DPP7: variants seen among roughly 807,000 people sequenced by gnomAD.
DPP7 encodes the protein dipeptidyl peptidase 7.
Under a neutral mutation model 58.8 loss-of-function variants are expected in DPP7, and 74 were observed. The observed-to-expected ratio is 1.26, with a 90% CI of 1.04 to 1.53. The LOEUF is 1.53. Among genes scored for constraint, DPP7 ranks in the 40% most tolerant of loss-of-function variants. The probability of loss-of-function intolerance (pLI) is 0.00; values close to 1 mark genes in which losing one functional copy is unlikely to be tolerated. For missense variants in DPP7, 807 were observed against 692.3 expected (o/e 1.17, Z -1.86); for synonymous variants, 350 against 303.6 (o/e 1.15, Z -1.59).
rs1247975470 is a variant in DPP7, at chr9:137,110,604, G to GC, written c.*43dup. On this transcript the variant is annotated 3_prime_UTR_variant, in exon 13 of 13. Coordinates refer to ENST00000371579, the MANE Select transcript of DPP7 (RefSeq NM_013379.3). ...CTCTGCCGCCAGCTGCTTGAGTGAA[G>GC]CCCCCACTCCATGAGGAGCCTTGAG... 2 of 1,585,424 alleles carry GC rather than the reference G, an allele frequency of 1.3e-6. No individual in the cohort carries two copies. The highest frequency in any genetic ancestry group is 8.6e-7 in the Non-Finnish European group (1 of 1,165,690).
rs769912592 is a variant in DPP7 at position 137,112,211 on chromosome 9, CGA to C, written c.949_950del (p.Ser317GlyfsTer17). On this transcript the variant is annotated frameshift_variant, in exon 9 of 13. Transcript: ENST00000371579. LOFTEE classifies it high-confidence loss of function. ...RALAGLVYNA[S>X]GSEHCYDIYR... is the part of the protein sequence containing the mutation. ...AGATGTCGTAGCAGTGCTCGGAGCC[CGA>C]GGCGTTGTAGACCAGCCCTGGGGAG... is the stretch of plus-strand genomic sequence containing the variant. 2 of 1,601,652 alleles carry C rather than the reference CGA, an allele frequency of 1.2e-6. No homozygotes were observed. The highest frequency in any genetic ancestry group is 1.7e-6 in the Non-Finnish European group (2 of 1,179,346).
At chr9:137,116,632 G>A (rs1831645875), upstream of DPP7, among the ~76,000 whole-genome samples, 1 of 152,240 alleles carries the variant, frequency 6.6e-6, no homozygotes, top group Admixed American at 6.5e-5. Flanking sequence ...TGGCCTCGTG[G>A]GAAGGGAAAG....
chr9:137,112,498 C>T (rs1334607012), intron 8 of DPP7: 4 of 636,612 alleles, frequency 6.3e-6, no homozygotes, highest in Non-Finnish European at 1.1e-5. Flanking sequence ...TGCTGGGGAC[C>T]CCAGGGGCCC....
chr9:137,110,665 GC>G lies in DPP7; in HGVS notation c.1461del (p.Arg489AspfsTer33). On this transcript the variant is annotated frameshift_variant, in exon 13 of 13. Transcript: ENST00000371579. LOFTEE classifies it low-confidence loss of function (END_TRUNC). ...TCCTGTGCTCAGAGGCTGAGTCTGG[GC>G]CCCCCACGCAGAGCTGGCTGCTGCT... ...RREQQPALRG[G>X]PRLSL is the part of the protein sequence containing the mutation. 3 of 1,609,790 alleles carry G rather than the reference GC, an allele frequency of 1.9e-6. No individual in the cohort carries two copies. The highest frequency in any genetic ancestry group is 1.1e-5 in the South Asian group (1 of 90,992).
At chr9:137,113,522 C>G in intron 4 of DPP7, 26 bp from the exon 5 acceptor site, 1 of 1,525,002 alleles carries the variant, frequency 6.6e-7, no homozygotes, top group South Asian at 1.3e-5. Flanking sequence ...AGGGTTAGGG[C>G]TGCTGCCCCC....
At chr9:137,111,585 C>T in intron 11 of DPP7, 105 bp downstream of exon 11, 3 of 1,332,032 alleles carry the variant, frequency 2.3e-6, no homozygotes, top group Non-Finnish European at 3.2e-6. Context: ...CTGCAGTGAA[C>T]CCTGATCTCG....
At chr9:137,111,489 A>G (rs1016377611) in intron 11 of DPP7, among the ~76,000 whole-genome samples, 1 of 152,220 alleles carries the variant, frequency 6.6e-6, no homozygotes, top group Non-Finnish European at 1.5e-5. Context: ...TGTCTCTACA[A>G]AAAAATATTT....
At position 137,113,850 on chromosome 9, in the gene DPP7, G is replaced by A; in HGVS notation, c.485+15C>T. On this transcript the variant is annotated intron_variant, in intron 4 of 12. Coordinates refer to ENST00000371579, the MANE Select transcript of DPP7 (RefSeq NM_013379.3). ...AGGGGAGGGAGGGGGTGCGGAGGCC[G>A]GGGGAGGCGCCCACCTTCCACCGAA... 2.0e-6 allele frequency: 3 copies of A among 1,492,818 alleles called. No individual in the cohort carries two copies. Among genetic ancestry groups the A allele is most frequent in the African/African-American group, 1.4e-5 (1 of 72,086 alleles). The allele number at this position is 1,492,818 out of a possible 1,614,324, so 92.5% of individuals were successfully genotyped here.
At chr9:137,117,487 G>C (rs1005287167), upstream of DPP7, among the ~76,000 whole-genome samples, 2 of 152,222 alleles carry the variant, frequency 1.3e-5, no homozygotes, top group African/African-American at 4.8e-5. Flanking sequence ...TGGGAGCCTG[G>C]CCAGCAAGGG....
intron 8 of DPP7, 52 bp from the exon 9 acceptor site, chr9:137,112,282 G>T (rs758108751): frequency 1.4e-6 from 2 of 1,459,876 alleles, no homozygotes; most frequent in South Asian, 2.5e-5. Context: ...CACACCGCGG[G>T]CTCCGGCCAC....
chr9:137,114,822 C>G, upstream of DPP7: 1 of 758,184 alleles, frequency 1.3e-6, no homozygotes, highest in Non-Finnish European at 1.8e-6. Flanking sequence ...CCACGGAGAC[C>G]GTCGCTGCTT....
chr9:137,117,377 C>T (rs1017393649), upstream of DPP7, among the ~76,000 whole-genome samples: 1 of 152,222 alleles, frequency 6.6e-6, no homozygotes, highest in South Asian at 2.1e-4. Flanking sequence ...TGTGCAGACA[C>T]CCCCGATCTC....
At chr9:137,114,863 A>G (rs1564327113), upstream of DPP7, 2 of 463,814 alleles carry the variant, frequency 4.3e-6, no homozygotes, top group South Asian at 1.1e-4. Context: ...GCCCCCCAAC[A>G]CCCCGCGCCC....
At position 137,112,764 on chromosome 9, in the gene DPP7, C is replaced by T. The variant is rs151014148; in HGVS notation, c.912G>A (p.Thr304=). 2.0e-4 allele frequency: 319 copies of T among 1,608,040 alleles called. 2 individuals carry two copies. The African/African-American group carries it at 3.5e-3, about 18-fold the overall frequency. ...GGGCACCTGCCAGTGCTCGCAGCCC[C>T]GTGATCCTCTGGGCCTCACTCAGCA... ...DRLLSEAQRI[T]GLRALAGLVY... The change falls in exon 8 of 13, where the codon ACG becomes ACA. Residue 304 remains threonine, a synonymous_variant. Coordinates refer to ENST00000371579, the MANE Select transcript of DPP7 (RefSeq NM_013379.3).
chr9:137,113,540 C>T (rs767453262), intron 4 of DPP7, 44 bp from the exon 5 acceptor site: 8 of 1,512,996 alleles, frequency 5.3e-6, no homozygotes, highest in Middle Eastern at 1.8e-4. Context: ...CCCAACACCC[C>T]ATTTCCTCTT....
upstream of DPP7, chr9:137,115,082 T>G (rs919495940): frequency 1.0e-5 from 2 of 192,606 alleles, no homozygotes; most frequent in Non-Finnish European, 2.1e-5. Context: ...GCCGGGAGAG[T>G]GGGGGCCGTT....
intron 8 of DPP7, 40 bp downstream of exon 8, chr9:137,112,705 G>A (rs1302449363): frequency 1.3e-6 from 2 of 1,575,060 alleles, no homozygotes; most frequent in East Asian, 2.3e-5. Flanking sequence ...CCAAGCCTGG[G>A]GTCTCCACAC....
At chr9:137,115,169 C>T (rs182579030), upstream of DPP7, 898 of 155,516 alleles carry the variant, frequency 5.8e-3, 5 homozygotes, top group South Asian at 0.014. Flanking sequence ...CAGGGTTTGT[C>T]CAAGCGATAA....
Position 137,110,705 on chromosome 9 carries a change from CT to C in DPP7, c.1421del (p.Lys474ArgfsTer48). On this transcript the variant is annotated frameshift_variant, in exon 13 of 13. Transcript: ENST00000371579. LOFTEE classifies it low-confidence loss of function (END_TRUNC). The stretch of plus-strand genomic sequence containing the variant: ...CTGGCTGCTGCTCACGCCTGGCTGC[CT>C]TTACCCACTCGCCGATGATGGTGGC... ...LEATIIGEWVKAARREQQPAL... is the reference protein window; with the variant it reads ...LEATIIGEWVXAARREQQPAL... 6.2e-7 allele frequency: 1 copy of C among 1,608,716 alleles called. No homozygotes were observed.
Sources: gnomAD v4.1 joint callset for allele counts (sites outside exome capture counted in the v4.1 genomes callset) on GRCh38, gnomAD v4.1.1 for gene constraint, MANE v1.5 for transcripts, NCBI Gene and HGNC (gene_info 2026-07-23, HGNC 2026-07-21) for gene names.